FIZ1: variants seen among roughly 807,000 people sequenced by gnomAD.
FIZ1 encodes flt3-interacting zinc finger protein 1.
In FIZ1, 2 loss-of-function variants were observed where a neutral mutation model predicts 5.3. The observed-to-expected ratio is 0.37, with a 90% CI of 0.15 to 1.18. FIZ1 has a LOEUF of 1.18. FIZ1 is among the 50% of genes most tolerant of loss of function. The probability of loss-of-function intolerance (pLI) is 0.37; values close to 1 mark genes in which losing one functional copy is unlikely to be tolerated. For synonymous variants in FIZ1, 407 were observed against 364.2 expected (o/e 1.12, Z -1.34); for missense variants, 631 against 749.7 (o/e 0.84, Z 1.85).
Position 55,592,231 on chromosome 19 carries a change from T to A in FIZ1, c.*219A>T. The A allele has an allele frequency of 1.7e-6, 1 of 572,164 alleles. No homozygotes were observed. Among genetic ancestry groups the A allele is most frequent in the Non-Finnish European group, 3.0e-6 (1 of 330,350 alleles). 35.4% of individuals were successfully genotyped at this position (572,164 alleles called of 1,614,324 possible). A position where few individuals can be genotyped will look rare whatever the true frequency, so the allele number is the denominator to read the frequency against. On this transcript the variant is annotated 3_prime_UTR_variant, in exon 3 of 3. Transcript: ENST00000221665. The surrounding 1 kb of genome is among the most constrained non-coding windows in gnomAD (Gnocchi z 6.9). The stretch of plus-strand genomic sequence containing the variant: ...GTCTCTCCCTAGATTTGGGCTCCCC[T>A]GCCCCAGCTAAGGACCCTGTTTGTT...
At chr19:55,596,963 G>A (rs961611787) in intron 2 of FIZ1, among the ~76,000 whole-genome samples, 8 of 152,130 alleles carry the variant, frequency 5.3e-5, no homozygotes, top group East Asian at 1.9e-4. Context: ...GAGCCACTGC[G>A]CCTGGCCAGT....
chr19:55,594,919 C>T (rs2123556083), intron 2 of FIZ1, among the ~76,000 whole-genome samples: 1 of 152,206 alleles, frequency 6.6e-6, no homozygotes, highest in East Asian at 1.9e-4. Flanking sequence ...CAGAGTTTCT[C>T]CCACTGAACG....
At position 55,593,218 on chromosome 19, in the gene FIZ1, C is replaced by T. The variant is rs1230888756; in HGVS notation, c.723G>A (p.Ala241=). The T allele has an allele frequency of 8.1e-7, 1 of 1,230,082 alleles. No homozygotes were observed. Among genetic ancestry groups the T allele is most frequent in the Non-Finnish European group, 1.0e-6 (1 of 975,854 alleles). The allele number at this position is 1,230,082 out of a possible 1,614,324, so 76.2% of individuals were successfully genotyped here. Residue 241 remains alanine (A), a synonymous_variant, in exon 3 of 3, where the codon GCG becomes GCA. Transcript: ENST00000221665. The surrounding 1 kb of genome is among the most constrained non-coding windows in gnomAD (Gnocchi z 6.3). ...PRCERDFNAP[A]LLERHKLTHD... is the part of the protein sequence containing the mutation. ...GCGTCAGCTTGTGCCGCTCCAGCAG[C>T]GCGGGCGCGTTGAAGTCGCGCTCGC...
chr19:55,598,927 C>G (rs1980474976), intron 1 of FIZ1: 1 of 152,408 alleles, frequency 6.6e-6, no homozygotes, highest in African/African-American at 2.4e-5. Flanking sequence ...TAAGCCACAC[C>G]CCAGACAAAC....
intron 2 of FIZ1, among the ~76,000 whole-genome samples, chr19:55,596,593 A>C (rs889334306): frequency 5.3e-4 from 3 of 5,658 alleles, no homozygotes; most frequent in Non-Finnish European, 8.9e-4. Flanking sequence ...CTCAGGTATC[A>C]CCTGCCCTAA....
chr19:55,594,882 G>A (rs1980249989), intron 2 of FIZ1, among the ~76,000 whole-genome samples: 1 of 152,028 alleles, frequency 6.6e-6, no homozygotes, highest in South Asian at 2.1e-4. Flanking sequence ...GCAGAGAAGT[G>A]ATTTTGAACC....
chr19:55,599,334 G>A (rs3803890), intron 1 of FIZ1, 140 bp downstream of exon 1: 18,596 of 152,460 alleles, frequency 0.12, 1,339 homozygotes, highest in South Asian at 0.27. Context: ...TGCAGCCCTG[G>A]GCGCCCGGTT....
chr19:55,594,995 G>A (rs1202737798), intron 2 of FIZ1, among the ~76,000 whole-genome samples: 1 of 152,212 alleles, frequency 6.6e-6, no homozygotes, highest in Non-Finnish European at 1.5e-5. Context: ...CCAGGAGGGA[G>A]TCCAGGAATC....
rs745324763 is a variant in FIZ1, at chr19:55,597,726, G to T, written c.140C>A (p.Ala47Glu). The T allele has an allele frequency of 6.2e-7, 1 of 1,614,032 alleles. No individual in the cohort carries two copies. The highest frequency in any genetic ancestry group is 8.5e-7 in the Non-Finnish European group (1 of 1,179,936). ...GCGCGGACATGCGTGGGGCTTGAGC[G>T]CTGTGTGCCGGGCAAAGTGGCGCCG... ...DLRRHFARHT[A>E]LKPHACPRCG... Residue 47 changes from alanine (A) to glutamate (E), a missense_variant, in exon 2 of 3, where the codon GCG (alanine) becomes GAG (glutamate). Coordinates refer to ENST00000221665, the MANE Select transcript of FIZ1 (RefSeq NM_032836.3).
At position 55,592,981 on chromosome 19, in the gene FIZ1, C is replaced by G; in HGVS notation, c.960G>C (p.Ala320=). The G allele has an allele frequency of 6.5e-7, 1 of 1,536,580 alleles. No individual in the cohort carries two copies. Among genetic ancestry groups the G allele is most frequent in the South Asian group, 1.2e-5 (1 of 85,542 alleles). The part of the protein sequence containing the change: ...PEGGGEAPAP[A]AAAEPSEDTL... ...TGTCTTCCGAGGGCTCGGCGGCCGCCGCAGGTGCAGGCGCCTCCCCACCGC... is the reference window on the plus strand; with the variant it reads ...TGTCTTCCGAGGGCTCGGCGGCCGCGGCAGGTGCAGGCGCCTCCCCACCGC... Residue 320 remains alanine, a synonymous_variant, in exon 3 of 3, where the codon GCG becomes GCC. Coordinates refer to ENST00000221665, the MANE Select transcript of FIZ1 (RefSeq NM_032836.3). This position sits in a 1 kb window ranked among gnomAD's most constrained non-coding sequence, Gnocchi z 6.9.
Position 55,597,636 on chromosome 19 carries a change from C to T in FIZ1, c.230G>A (p.Arg77Gln). The T allele has an allele frequency of 6.2e-7, 1 of 1,613,742 alleles. No individual in the cohort carries two copies. The highest frequency in any genetic ancestry group is 8.5e-7 in the Non-Finnish European group (1 of 1,179,898). The part of the protein sequence containing the change: ...ANHLRSHTGE[R>Q]PYRCSACPKG... ...GGGGCAGGCAGAGCAGCGGTAGGGC[C>T]GCTCCCCGGTGTGCGAGCGCAGGTG... Residue 77 changes from arginine (R) to glutamine (Q), a missense_variant, in exon 2 of 3, where the codon CGG becomes CAG. Around this residue, in one of 4 missense-constraint regions of FIZ1, gnomAD observed 68 missense variants for 163.4 expected, o/e 0.42. Coordinates refer to ENST00000221665, the MANE Select transcript of FIZ1 (RefSeq NM_032836.3).
rs376511395 is a variant in FIZ1, at chr19:55,593,522, G to A, written c.419C>T (p.Pro140Leu). Residue 140 changes from proline to leucine, a missense_variant, in exon 3 of 3, where the codon CCC becomes CTC. Pro to Leu is a moderately conservative substitution (Grantham distance 98). Transcript: ENST00000221665. The surrounding 1 kb of genome is among the most constrained non-coding windows in gnomAD (Gnocchi z 6.3). ...HRGVLPSPLQ[P>L]GPGLPALSAP... ...ACTCAAGGCGGGCAGGCCAGGGCCG[G>A]GCTGCAGGGGAGAGGGGAGAACCCC... is the stretch of plus-strand genomic sequence containing the variant. 55 of 1,550,252 alleles carry A rather than the reference G, an allele frequency of 3.5e-5. No individual in the cohort carries two copies. The highest frequency in any genetic ancestry group is 4.5e-5 in the Non-Finnish European group (52 of 1,146,814).
In FIZ1 at chr19:55,592,867, G is replaced by A. The variant is rs767770032; in HGVS notation, c.1074C>T (p.Tyr358=). 3.2e-6 allele frequency: 5 copies of A among 1,538,546 alleles called. No homozygotes were observed. The highest frequency in any genetic ancestry group is 2.5e-5 in the East Asian group (1 of 40,554). Residue 358 remains tyrosine, a synonymous_variant, in exon 3 of 3, where the codon TAC becomes TAT. Coordinates refer to ENST00000221665, the MANE Select transcript of FIZ1 (RefSeq NM_032836.3). This position sits in a 1 kb window ranked among gnomAD's most constrained non-coding sequence, Gnocchi z 6.9. The part of the protein sequence containing the change: ...HLEAHSGPAT[Y]GCGHCGALYA... ...ACAGAGCCCCGCAGTGGCCGCAGCC[G>A]TAGGTGGCCGGGCCCGAGTGGGCCT...
rs1445807204 is a variant in FIZ1, at chr19:55,597,814, C to T, written c.52G>A (p.Ala18Thr). ...CTGCAGTGAAACGGGACCCTGGGGG[C>T]GGCAGCGGCGGGCGGTGCTGGTGCA... ...TPAPAPPAAA[A>T]PRVPFHCSEC... The change falls in exon 2 of 3, where the codon GCC becomes ACC. Residue 18 changes from alanine to threonine, a missense_variant. Transcript: ENST00000221665. 6 of 1,608,090 alleles carry T rather than the reference C, an allele frequency of 3.7e-6. No individual in the cohort carries two copies. In the East Asian group the frequency reaches 6.7e-5, roughly 18 times the overall value.
At chr19:55,596,008 TA>T (rs1006644388) in intron 2 of FIZ1, among the ~76,000 whole-genome samples, 3 of 152,136 alleles carry the variant, frequency 2.0e-5, no homozygotes, top group African/African-American at 7.2e-5. Context: ...TTTGTTCCCT[TA>T]GCTATTTTTT....
In FIZ1 at chr19:55,593,620, G is replaced by A. The variant is rs1980169126; in HGVS notation, c.321C>T (p.Tyr107=). Residue 107 remains tyrosine, a synonymous_variant, in exon 3 of 3, where the codon TAC becomes TAT. Transcript: ENST00000221665. The surrounding 1 kb of genome is among the most constrained non-coding windows in gnomAD (Gnocchi z 6.3). ...HQVVHTGEKP[Y]CCLVCELRFS... ...AGCGGAGCTCGCAGACCAGGCAGCA[G>A]TAGGGTTTCTCACCAGTGTGGACGA... 2 of 1,551,456 alleles carry A rather than the reference G, an allele frequency of 1.3e-6. No homozygotes were observed. Among genetic ancestry groups the A allele is most frequent in the East Asian group, 2.4e-5 (1 of 40,916 alleles).
chr19:55,593,376 C>A lies in FIZ1; in HGVS notation c.565G>T (p.Ala189Ser). 1 of 1,374,950 alleles carries A rather than the reference C, an allele frequency of 7.3e-7. No individual in the cohort carries two copies. Among genetic ancestry groups the A allele is most frequent in the African/African-American group, 1.5e-5 (1 of 64,848 alleles). 85.2% of individuals were successfully genotyped at this position (1,374,950 alleles called of 1,614,324 possible). Residue 189 changes from alanine (A) to serine (S), a missense_variant, in exon 3 of 3, where the codon GCG (alanine) becomes TCG (serine). By Grantham distance (99) the Ala-to-Ser change is moderately conservative. Transcript: ENST00000221665. The surrounding 1 kb of genome is among the most constrained non-coding windows in gnomAD (Gnocchi z 6.3). ...AGLGSWGLAE[A>S]AAAAAASLPP... ...AAGGAGGCCGCGGCCGCAGCTGCCG[C>A]CTCTGCCAGCCCCCAGCTGCCCAGA...
Position 55,593,792 on chromosome 19 carries a change from CTGTT to C in FIZ1, c.295-150_295-147del, listed in dbSNP as rs530719817. ...AGGGAAACGCTCGTCCTATCACTCT[CTGTT>C]TGGGGTCACGGTAGATTCTTTCGGT... On this transcript the variant is annotated intron_variant, in intron 2 of 2. Transcript: ENST00000221665. The surrounding 1 kb of genome is among the most constrained non-coding windows in gnomAD (Gnocchi z 6.3). 1.7e-4 allele frequency: 129 copies of C among 750,492 alleles called. No individual in the cohort carries two copies. Among genetic ancestry groups the C allele is most frequent in the South Asian group, 4.1e-4 (23 of 56,174 alleles). 46.5% of individuals were successfully genotyped at this position (750,492 alleles called of 1,614,324 possible). A position where few individuals can be genotyped will look rare whatever the true frequency, so the allele number is the denominator to read the frequency against.
intron 2 of FIZ1, among the ~76,000 whole-genome samples, chr19:55,594,195 C>T (rs1235572891): frequency 6.6e-6 from 1 of 151,246 alleles, no homozygotes; most frequent in Non-Finnish European, 1.5e-5. Context: ...TCGAGACCAA[C>T]CTGATCAACA....
Sources: allele counts gnomAD v4.1 joint callset (sites outside exome capture counted in the v4.1 genomes callset), GRCh38; gene constraint gnomAD v4.1.1; regional missense constraint gnomAD v4.1.1; non-coding constraint Gnocchi (gnomAD v3.1); transcripts MANE v1.5; gene names NCBI Gene and HGNC (gene_info 2026-07-23, HGNC 2026-07-21).